Variants in MACROD2 observed in about 807,000 individuals in gnomAD.
The protein encoded by MACROD2 is ADP-ribose glycohydrolase MACROD2.
Under a neutral mutation model 70.4 loss-of-function variants are expected in MACROD2, and 36 were observed. The ratio of observed to expected loss-of-function variants is 0.51; its 90% CI spans 0.39 to 0.68. MACROD2 has a LOEUF of 0.68. MACROD2 is among the 30% of genes least tolerant of loss of function. The probability of loss-of-function intolerance (pLI) is 0.00; values close to 1 mark genes in which losing one functional copy is unlikely to be tolerated. For synonymous variants in MACROD2, 172 were observed against 178.8 expected (o/e 0.96, Z 0.30); for missense variants, 496 against 538.4 (o/e 0.92, Z 0.78).
intron 3 of MACROD2, among the ~76,000 whole-genome samples, chr20:14,380,772 T>C (rs559748667): frequency 1.3e-5 from 2 of 152,260 alleles, no homozygotes; most frequent in South Asian, 2.1e-4. Flanking sequence ...TATATGTCTG[T>C]CCTTATGCCT....
At chr20:15,286,370 A>C (rs2077491304) in intron 6 of MACROD2, among the ~76,000 whole-genome samples, 7 of 152,140 alleles carry the variant, frequency 4.6e-5, no homozygotes, top group African/African-American at 1.7e-4. Flanking sequence ...TTGGGAACTA[A>C]CAACATGATT....
intron 15 of MACROD2, among the ~76,000 whole-genome samples, chr20:16,024,863 G>A (rs920486278): frequency 1.3e-5 from 2 of 152,148 alleles, no homozygotes; most frequent in African/African-American, 4.8e-5. Flanking sequence ...TAAAAAGAAA[G>A]AAATTAACTC....
At chr20:15,218,169 T>C (rs76359660) in intron 5 of MACROD2, among the ~76,000 whole-genome samples, 95 of 152,350 alleles carry the variant, frequency 6.2e-4, no homozygotes, top group African/African-American at 2.2e-3. Context: ...GAGGATAGGC[T>C]CTCAGAAGAC....
chr20:16,006,615 G>C (rs762913222), intron 15 of MACROD2, among the ~76,000 whole-genome samples: 4 of 152,142 alleles, frequency 2.6e-5, no homozygotes, highest in Non-Finnish European at 5.9e-5. Context: ...ATGGAGTGGA[G>C]TAGTGCTTAA....
intron 5 of MACROD2, among the ~76,000 whole-genome samples, chr20:15,074,515 G>A (rs960693787): frequency 1.3e-5 from 2 of 152,118 alleles, no homozygotes; most frequent in African/African-American, 2.4e-5. Flanking sequence ...TGGGAACCTC[G>A]ATTTAGAGCT....
Position 14,093,822 on chromosome 20 carries a change from C to G in MACROD2, c.271+8094C>G, listed in dbSNP as rs114062268. On this transcript the variant is annotated intron_variant, in intron 3 of 17. Coordinates refer to ENST00000684519, the MANE Select transcript of MACROD2 (RefSeq NM_001351661.2). ...ATGAAGTGTTTATTAGAGCCACGTC[C>G]AAGGTGCCATGGGCAAATAGAGAAA... Among the ~76,000 whole-genome samples, 757 of 152,172 alleles carry G rather than the reference C, an allele frequency of 5.0e-3. 11 individuals carry two copies. The highest frequency in any genetic ancestry group is 0.018 in the African/African-American group (732 of 41,520).
intron 4 of MACROD2, among the ~76,000 whole-genome samples, chr20:14,612,013 T>C (rs1983202066): frequency 6.6e-6 from 1 of 152,136 alleles, no homozygotes; most frequent in African/African-American, 2.4e-5. Flanking sequence ...AGTAGAAATA[T>C]GATCTTTTTA....
At position 15,353,424 on chromosome 20, in the gene MACROD2, A is replaced by G. The variant is rs985410376; in HGVS notation, c.541-77981A>G. ...CCTGGAAGAAAACCTAGGCAATACC[A>G]TTCAGGACATAGGCATGGGCAAGGA... On this transcript the variant is annotated intron_variant, in intron 6 of 17. Transcript: ENST00000684519. 1.6e-4 allele frequency among the ~76,000 whole-genome samples: 24 copies of G among 152,302 alleles called. 1 individual carries two copies. Among genetic ancestry groups the G allele is most frequent in the Middle Eastern group, 3.4e-3 (1 of 294 alleles).
At chr20:14,523,942 G>A (rs988331855) in intron 4 of MACROD2, among the ~76,000 whole-genome samples, 6 of 152,172 alleles carry the variant, frequency 3.9e-5, no homozygotes, top group Admixed American at 3.3e-4. Context: ...GTCTAGTTAT[G>A]AGAGGTGATC....
At chr20:14,183,902 ATTTG>A (rs949712385) in intron 3 of MACROD2, among the ~76,000 whole-genome samples, 1 of 151,902 alleles carries the variant, frequency 6.6e-6, no homozygotes, top group Admixed American at 6.6e-5. Context: ...TTCCTTGTAA[ATTTG>A]TTTAAGTTCC....
intron 5 of MACROD2, among the ~76,000 whole-genome samples, chr20:15,007,818 C>T (rs1432763354): frequency 1.3e-5 from 2 of 152,240 alleles, no homozygotes; most frequent in Non-Finnish European, 2.9e-5. Context: ...GACATTGCTT[C>T]AGGAAACCCC....
intron 5 of MACROD2, among the ~76,000 whole-genome samples, chr20:14,993,627 A>G (rs139808991): frequency 1.8e-4 from 28 of 152,304 alleles, no homozygotes; most frequent in African/African-American, 6.3e-4. Context: ...TAGAAAATAA[A>G]TGTTGTGATA....
At chr20:14,487,925 G>C (rs2084754136) in intron 3 of MACROD2, among the ~76,000 whole-genome samples, 2 of 152,094 alleles carry the variant, frequency 1.3e-5, no homozygotes, top group Non-Finnish European at 2.9e-5. Context: ...CATTATTTTA[G>C]AGAATTGAGG....
chr20:14,062,830 T>C (rs1029372897), intron 2 of MACROD2, among the ~76,000 whole-genome samples: 3 of 152,204 alleles, frequency 2.0e-5, no homozygotes, highest in African/African-American at 7.2e-5. Context: ...AAATCTGACT[T>C]CTTTAATTTT....
At chr20:15,466,594 C>T (rs1310128966) in intron 7 of MACROD2, among the ~76,000 whole-genome samples, 1 of 152,178 alleles carries the variant, frequency 6.6e-6, no homozygotes, top group East Asian at 1.9e-4. Context: ...TTTGCTATTC[C>T]TTCCCTCTAT....
At chr20:14,745,083 A>G (rs1308745491) in intron 5 of MACROD2, among the ~76,000 whole-genome samples, 1 of 152,140 alleles carries the variant, frequency 6.6e-6, no homozygotes, top group East Asian at 1.9e-4. Flanking sequence ...TTTCTTCTGA[A>G]TCATTTGTTG....
At chr20:15,124,450 T>A (rs1404302438) in intron 5 of MACROD2, among the ~76,000 whole-genome samples, 2 of 151,768 alleles carry the variant, frequency 1.3e-5, no homozygotes, top group African/African-American at 2.4e-5. Flanking sequence ...AAAACCTTTA[T>A]GTTCTATGAA....
rs73090778 is a variant in MACROD2 at position 14,278,754 on chromosome 20, T to G, written c.271+193026T>G. On this transcript the variant is annotated intron_variant, in intron 3 of 17. Transcript: ENST00000684519. Reference sequence around the variant, plus strand: ...TACTATCATTTTGAATGAATTGCTGTCATATTTAACAACATTTTGGAGTAC... The same window carrying G: ...TACTATCATTTTGAATGAATTGCTGGCATATTTAACAACATTTTGGAGTAC... 5.0e-3 allele frequency among the ~76,000 whole-genome samples: 763 copies of G among 152,322 alleles called. 3 individuals carry two copies. Among genetic ancestry groups the G allele is most frequent in the Non-Finnish European group, 7.5e-3 (508 of 68,012 alleles).
intron 5 of MACROD2, among the ~76,000 whole-genome samples, chr20:14,809,900 C>T (rs1600686117): frequency 6.6e-6 from 1 of 152,064 alleles, no homozygotes; most frequent in African/African-American, 2.4e-5. Flanking sequence ...GAATTTGAAT[C>T]CCTGAATAGA....
Sources: allele counts gnomAD v4.1 joint callset (sites outside exome capture counted in the v4.1 genomes callset), GRCh38; gene constraint gnomAD v4.1.1; transcripts MANE v1.5; gene names NCBI Gene and HGNC (gene_info 2026-07-23, HGNC 2026-07-21).